Variants in ALPK3 observed in about 807,000 individuals in gnomAD.
ALPK3 encodes the protein alpha kinase 3.
ALPK3 carries 102 observed loss-of-function variants against 140.0 expected under a neutral mutation model. The ratio of observed to expected loss-of-function variants is 0.73; its 90% CI spans 0.62 to 0.86. ALPK3 has a LOEUF of 0.86. ALPK3 is among the 40% of genes least tolerant of loss of function. The probability of loss-of-function intolerance (pLI) is 0.00; values close to 1 mark genes in which losing one functional copy is unlikely to be tolerated. For missense variants in ALPK3, 2,254 were observed against 2,208.2 expected (o/e 1.02, Z -0.42); for synonymous variants, 938 against 898.5 (o/e 1.04, Z -0.79).
chr15:84,843,406 TGCAGTGA>T (rs1963689245), intron 5 of ALPK3, among the ~76,000 whole-genome samples: 1 of 152,240 alleles, frequency 6.6e-6, no homozygotes, highest in Admixed American at 6.5e-5. Context: ...AGGTGGAGGT[TGCAGTGA>T]GCAATAGTTT....
Position 84,868,264 on chromosome 15 carries a change from T to C in ALPK3, c.4926T>C (p.Ser1642=). 2 of 1,613,678 alleles carry C rather than the reference T, an allele frequency of 1.2e-6. No individual in the cohort carries two copies. The highest frequency in any genetic ancestry group is 1.1e-5 in the South Asian group (1 of 91,060). ...HPQAKAKGSK[S]PSAGRKGSQL... ...AAGCCAAAGCCAAAGGCTCTAAGAG[T>C]CCATCTGCTGGCAGGAAAGGCTCCC... Residue 1642 remains serine, a synonymous_variant, in exon 14 of 14, where the codon AGT becomes AGC. Coordinates refer to ENST00000258888, the MANE Select transcript of ALPK3 (RefSeq NM_020778.5).
chr15:84,868,042 A>G lies in ALPK3; in HGVS notation c.4773-69A>G, dbSNP rs564440845. ...ACGACATCCTGATGATGGCCACCCC[A>G]GAGTCCGCCCCCCAAGGAACTGTGT... On this transcript the variant is annotated intron_variant, in intron 13 of 13. Transcript: ENST00000258888. 3.3e-5 allele frequency: 49 copies of G among 1,493,090 alleles called. No individual in the cohort carries two copies. In the African/African-American group the frequency reaches 5.6e-4, roughly 17 times the overall value. The allele number at this position is 1,493,090 out of a possible 1,614,324, so 92.5% of individuals were successfully genotyped here.
At chr15:84,847,775 T>C (rs1176563251) in intron 5 of ALPK3, among the ~76,000 whole-genome samples, 1 of 152,210 alleles carries the variant, frequency 6.6e-6, no homozygotes, top group African/African-American at 2.4e-5. Flanking sequence ...GAAGAATTGC[T>C]AGGCTGGGAG....
chr15:84,836,875 G>T (rs1963602531), intron 3 of ALPK3, among the ~76,000 whole-genome samples: 1 of 152,194 alleles, frequency 6.6e-6, no homozygotes, highest in African/African-American at 2.4e-5. Context: ...TTTGGGGCAA[G>T]TCTAGGTGGG....
chr15:84,858,269 C>G lies in ALPK3; in HGVS notation c.3531C>G (p.Asp1177Glu), dbSNP rs115438635. 48 of 1,594,026 alleles carry G rather than the reference C, an allele frequency of 3.0e-5. No individual in the cohort carries two copies. In the Middle Eastern group the frequency reaches 1.2e-3, roughly 38 times the overall value. Residue 1177 changes from aspartate (D) to glutamate (E), a missense_variant, in exon 6 of 14, where the codon GAC (aspartate) becomes GAG (glutamate). This residue lies in a region of ALPK3 where 2,088 missense variants were observed against 2,022.9 expected (regional missense o/e 1.03). Transcript: ENST00000258888. ...RFLPKVRAAGDGEATTPEERE... is the reference protein window; with the variant it reads ...RFLPKVRAAGEGEATTPEERE... Reference sequence around the variant, plus strand: ...TCCCTAAGGTCAGAGCAGCAGGAGACGGGGAGGCAACCACACCTGAAGAAA... The same window carrying G: ...TCCCTAAGGTCAGAGCAGCAGGAGAGGGGGAGGCAACCACACCTGAAGAAA...
chr15:84,863,662 C>T (rs538624714), intron 11 of ALPK3, 22 bp downstream of exon 11: 60 of 1,609,900 alleles, frequency 3.7e-5, no homozygotes, highest in Admixed American at 3.0e-4. Flanking sequence ...GCGAGGAGGA[C>T]GTGCAGTGTG....
chr15:84,860,114 G>A, intron 9 of ALPK3, 42 bp downstream of exon 9: 2 of 1,607,850 alleles, frequency 1.2e-6, no homozygotes, highest in Non-Finnish European at 8.5e-7. Context: ...TCCTACCCCT[G>A]CCATCTGCAG....
Position 84,859,912 on chromosome 15 carries a change from G to A in ALPK3, c.4093+9G>A. ...CTGCCTCAGCCCTGAGGGTGAGTGT[G>A]CCCCGCGGCCCGGGGTCTCAGCCTG... On this transcript the variant is annotated intron_variant, in intron 8 of 13. Transcript: ENST00000258888. 2 of 1,613,926 alleles carry A rather than the reference G, an allele frequency of 1.2e-6. No homozygotes were observed. Among genetic ancestry groups the A allele is most frequent in the South Asian group, 1.1e-5 (1 of 91,074 alleles).
rs571286604 is a variant in ALPK3 at position 84,818,889 on chromosome 15, T to G, written c.143+1294T>G. ...ACCAGAATGAAATTTGGACATTTAT[T>G]CCAGTCCTTAGAGAAGCTGACTCCC... On this transcript the variant is annotated intron_variant, in intron 1 of 13. Coordinates refer to ENST00000258888, the MANE Select transcript of ALPK3 (RefSeq NM_020778.5). 2.6e-5 allele frequency among the ~76,000 whole-genome samples: 4 copies of G among 152,248 alleles called. No individual in the cohort carries two copies. The East Asian group carries it at 7.7e-4, about 29-fold the overall frequency.
In ALPK3 at chr15:84,817,607, C is replaced by A. The variant is rs1409926645; in HGVS notation, c.143+12C>A. 4.7e-6 allele frequency: 7 copies of A among 1,491,776 alleles called. No individual in the cohort carries two copies. The highest frequency in any genetic ancestry group is 1.9e-4 in the Middle Eastern group (1 of 5,282). The allele number at this position is 1,491,776 out of a possible 1,614,324, so 92.4% of individuals were successfully genotyped here. A position where few individuals can be genotyped will look rare whatever the true frequency, so the allele number is the denominator to read the frequency against. On this transcript the variant is annotated intron_variant, in intron 1 of 13. Transcript: ENST00000258888. ...CGGCCCGAGACCAGGTAAGTGGCAC[C>A]AAGGGGCAGGGCGGCGTCGGGCCGG... is the stretch of plus-strand genomic sequence containing the variant.
chr15:84,863,653 CGAG>C lies in ALPK3; in HGVS notation c.4499+19_4499+21del. 1 of 1,612,250 alleles carries C rather than the reference CGAG, an allele frequency of 6.2e-7. No homozygotes were observed. Among genetic ancestry groups the C allele is most frequent in the Non-Finnish European group, 8.5e-7 (1 of 1,178,982 alleles). ...GGGAGGTGCCTGAGTAAGTACGCAG[CGAG>C]GAGGACGTGCAGTGTGCAGCACTGT... On this transcript the variant is annotated intron_variant, in intron 11 of 13. Coordinates refer to ENST00000258888, the MANE Select transcript of ALPK3 (RefSeq NM_020778.5).
chr15:84,852,461 C>T (rs1963816063), intron 5 of ALPK3: 1 of 183,676 alleles, frequency 5.4e-6, no homozygotes, highest in East Asian at 1.5e-4. Context: ...TCTCCCATGG[C>T]AACAATCATA....
intron 5 of ALPK3, among the ~76,000 whole-genome samples, chr15:84,849,408 A>G (rs565021647): frequency 6.6e-6 from 1 of 152,362 alleles, no homozygotes; most frequent in African/African-American, 2.4e-5. Context: ...AGCACCAGCA[A>G]CCAACTATCT....
At chr15:84,849,730 A>G (rs962275801) in intron 5 of ALPK3, among the ~76,000 whole-genome samples, 1 of 152,182 alleles carries the variant, frequency 6.6e-6, no homozygotes, top group African/African-American at 2.4e-5. Flanking sequence ...ACAACATACC[A>G]AAATGTTGGA....
chr15:84,821,301 A>C (rs1484013064), intron 1 of ALPK3, among the ~76,000 whole-genome samples: 2 of 152,212 alleles, frequency 1.3e-5, no homozygotes, highest in Non-Finnish European at 2.9e-5. Context: ...GTCCAGGAGC[A>C]GCAGAGCTGG....
Position 84,857,784 on chromosome 15 carries a change from G to A in ALPK3, c.3046G>A (p.Glu1016Lys). The A allele has an allele frequency of 3.1e-6, 5 of 1,612,272 alleles. No homozygotes were observed. The highest frequency in any genetic ancestry group is 4.2e-6 in the Non-Finnish European group (5 of 1,178,818). ...TCCCCGGACATCGAGGCGCATCCTG[G>A]AGCGTGTGGAGAACAACCACCTGGT... is the stretch of plus-strand genomic sequence containing the variant. ...LSPRTSRRIL[E>K]RVENNHLVQS... The change falls in exon 6 of 14, where the codon GAG becomes AAG. Residue 1016 changes from glutamate to lysine, a missense_variant. Transcript: ENST00000258888.
chr15:84,867,198 C>T (rs1964011686), intron 12 of ALPK3, 119 bp from the exon 13 acceptor site: 11 of 909,086 alleles, frequency 1.2e-5, no homozygotes, highest in Non-Finnish European at 1.8e-5. Flanking sequence ...TTCTAAGCCC[C>T]CATGTCTCCA....
At position 84,864,616 on chromosome 15, in the gene ALPK3, C is replaced by T. The variant is rs983012641; in HGVS notation, c.4674C>T (p.His1558=). ...TGCAGAAATGCCAGACCTTCCAACA[C>T]TGGCTGTATCAGTGGACAAATGGCA... ...EAMQKCQTFQ[H]WLYQWTNGSF... The change falls in exon 12 of 14, where the codon CAC becomes CAT. Residue 1558 remains histidine, a synonymous_variant. Transcript: ENST00000258888. The T allele has an allele frequency of 3.7e-6, 6 of 1,614,120 alleles. No individual in the cohort carries two copies. The highest frequency in any genetic ancestry group is 2.7e-5 in the African/African-American group (2 of 74,948).
At chr15:84,864,741 C>A in intron 12 of ALPK3, 76 bp downstream of exon 12, 1 of 1,431,026 alleles carries the variant, frequency 7.0e-7, no homozygotes, top group Non-Finnish European at 9.6e-7. Context: ...AGCCATAGTG[C>A]TTGGCTGATC....
Sources: allele counts gnomAD v4.1 joint callset (sites outside exome capture counted in the v4.1 genomes callset), GRCh38; gene constraint gnomAD v4.1.1; regional missense constraint gnomAD v4.1.1; transcripts MANE v1.5; gene names NCBI Gene and HGNC (gene_info 2026-07-23, HGNC 2026-07-21).